The following SMYD3 variants were observed in gnomAD, a reference collection of about 807,000 sequenced individuals.
SMYD3 encodes the protein SET and MYND domain containing 3, also known as histone-lysine N-methyltransferase SMYD3.
In SMYD3, 36 loss-of-function variants were observed where a neutral mutation model predicts 57.7. That is an observed-to-expected ratio of 0.62 (90% CI 0.48 to 0.82). The LOEUF is 0.82. Ranked by LOEUF, SMYD3 falls within the 40% of genes least tolerant of loss-of-function variation. The probability of loss-of-function intolerance (pLI) is 0.00; values close to 1 mark genes in which losing one functional copy is unlikely to be tolerated. For missense variants in SMYD3, 515 were observed against 538.8 expected, an observed-to-expected ratio of 0.96 and a Z score of 0.44; for synonymous variants, 211 against 195.0, an observed-to-expected ratio of 1.08 and a Z score of -0.68.
intron 5 of SMYD3, among the ~76,000 whole-genome samples, chr1:245,946,040 A>T (rs1303876906): frequency 6.6e-6 from 1 of 152,200 alleles, no homozygotes; most frequent in East Asian, 1.9e-4. Flanking sequence ...TGATGGGGTG[A>T]TAGCTGCAGC....
At chr1:246,248,811 T>TTTA (rs2063753602) in intron 5 of SMYD3, among the ~76,000 whole-genome samples, 1 of 136,114 alleles carries the variant, frequency 7.3e-6, no homozygotes, top group African/African-American at 2.7e-5. Context: ...CCGGCTAATT[T>TTTA]TTTTTTTTTT....
chr1:246,231,531 G>A (rs2148448660), intron 5 of SMYD3, among the ~76,000 whole-genome samples: 1 of 152,210 alleles, frequency 6.6e-6, no homozygotes, highest in South Asian at 2.1e-4. Context: ...TCTGGTCATT[G>A]CTATAATGTA....
intron 10 of SMYD3, among the ~76,000 whole-genome samples, chr1:245,817,274 C>G (rs546104423): frequency 1.5e-4 from 21 of 143,450 alleles, no homozygotes; most frequent in South Asian, 2.3e-4. Context: ...GAGGCACCCC[C>G]CAGCAGGGGC....
chr1:246,061,115 C>A (rs547081685), intron 5 of SMYD3, among the ~76,000 whole-genome samples: 4 of 152,016 alleles, frequency 2.6e-5, no homozygotes, highest in African/African-American at 9.7e-5. Context: ...CCCAGCTACT[C>A]GGGAGGCTGA....
intron 8 of SMYD3, among the ~76,000 whole-genome samples, chr1:245,888,498 G>A (rs1438297639): frequency 6.6e-6 from 1 of 152,128 alleles, no homozygotes; most frequent in Non-Finnish European, 1.5e-5. Flanking sequence ...TATCAAAAGA[G>A]CACTGCCCCA....
intron 5 of SMYD3, among the ~76,000 whole-genome samples, chr1:246,181,437 C>A (rs139081898): frequency 1.0e-3 from 157 of 152,352 alleles, no homozygotes; most frequent in African/African-American, 3.7e-3. Context: ...CCACTCCCCA[C>A]AGCTGAGACT....
intron 10 of SMYD3, among the ~76,000 whole-genome samples, chr1:245,855,140 C>T (rs373250529): frequency 6.6e-6 from 1 of 152,140 alleles, no homozygotes; most frequent in Non-Finnish European, 1.5e-5. Flanking sequence ...ATGTTAATCT[C>T]GCAACAGAAA....
intron 5 of SMYD3, chr1:246,305,935 A>C (rs2064969751): frequency 6.6e-6 from 1 of 152,298 alleles, no homozygotes; most frequent in African/African-American, 2.4e-5. Flanking sequence ...GTTTAGAAAG[A>C]GCTATTGTTG....
chr1:246,407,449 C>T (rs546356935), intron 1 of SMYD3, among the ~76,000 whole-genome samples: 2 of 152,318 alleles, frequency 1.3e-5, no homozygotes, highest in East Asian at 1.9e-4. Context: ...GCGCCATGAC[C>T]GCTCTCCTAG....
chr1:246,058,882 C>CTTT (rs545692737), intron 5 of SMYD3, among the ~76,000 whole-genome samples: 2 of 142,990 alleles, frequency 1.4e-5, no homozygotes, highest in Admixed American at 6.9e-5. Context: ...ATCCACATTT[C>CTTT]TTTTTTTTTT....
rs572304940 is a variant in SMYD3 at position 246,421,163 on chromosome 1, G to A, written c.165-66069C>T. Among the ~76,000 whole-genome samples, 11 of 152,282 alleles carry A rather than the reference G, an allele frequency of 7.2e-5. 1 individual carries two copies. In the South Asian group the frequency reaches 2.3e-3, roughly 32 times the overall value. Reference sequence around the variant, plus strand: ...GTCTCATATTGATGAAACAACAGATGTTTAAGGAAGAAGCTTCTTTAATAT... The same window carrying A: ...GTCTCATATTGATGAAACAACAGATATTTAAGGAAGAAGCTTCTTTAATAT... On this transcript the variant is annotated intron_variant, in intron 1 of 11. Transcript: ENST00000490107.
intron 7 of SMYD3, among the ~76,000 whole-genome samples, chr1:245,926,470 TCTGAGTCTGAAGGGC>T (rs2056382364): frequency 6.6e-6 from 1 of 152,188 alleles, no homozygotes; most frequent in African/African-American, 2.4e-5. Flanking sequence ...GGGAAAAATA[TCTGAGTCTGAAGGGC>T]TTTACACTGA....
intron 10 of SMYD3, among the ~76,000 whole-genome samples, chr1:245,824,644 T>C (rs1572444818): frequency 6.6e-6 from 1 of 151,918 alleles, no homozygotes; most frequent in South Asian, 2.1e-4. Flanking sequence ...TCACCTGAGG[T>C]TGGGAGTTGG....
At position 246,180,488 on chromosome 1, in the gene SMYD3, T is replaced by C. The variant is rs569828553; in HGVS notation, c.531+146713A>G. Among the ~76,000 whole-genome samples the C allele has an allele frequency of 9.8e-4, 148 of 150,508 alleles. 2 individuals are homozygous for C. Among genetic ancestry groups the C allele is most frequent in the Admixed American group, 9.1e-3 (138 of 15,124 alleles). ...CTCAGGAGGGTTAGGCCGGGTGTGGTGGTTCATGCCTGTAATCCCAGCACT... is the reference window on the plus strand; with the variant it reads ...CTCAGGAGGGTTAGGCCGGGTGTGGCGGTTCATGCCTGTAATCCCAGCACT... On this transcript the variant is annotated intron_variant, in intron 5 of 11. Coordinates refer to ENST00000490107, the MANE Select transcript of SMYD3 (RefSeq NM_001167740.2).
intron 11 of SMYD3, among the ~76,000 whole-genome samples, chr1:245,751,024 G>A (rs1327780748): frequency 6.6e-6 from 1 of 152,164 alleles, no homozygotes; most frequent in Non-Finnish European, 1.5e-5. Flanking sequence ...AACTGATAGA[G>A]CAAACTCTCA....
At chr1:246,279,995 T>C (rs574200879) in intron 5 of SMYD3, among the ~76,000 whole-genome samples, 2 of 152,314 alleles carry the variant, frequency 1.3e-5, no homozygotes, top group East Asian at 1.9e-4. Flanking sequence ...ATTCTGAGTT[T>C]AGCACACACG....
At chr1:245,886,471 A>G (rs9730542) in intron 8 of SMYD3, among the ~76,000 whole-genome samples, 151,902 of 152,264 alleles carry the variant, frequency 1, 75,773 homozygotes, top group Middle Eastern at 1. Flanking sequence ...TCACACCCTC[A>G]CCTCAGCAAT....
At chr1:246,395,671 C>T (rs1230296599) in intron 1 of SMYD3, among the ~76,000 whole-genome samples, 65 of 82,100 alleles carry the variant, frequency 7.9e-4, no homozygotes, top group Non-Finnish European at 8.1e-4. Context: ...GAACCCACCA[C>T]AGTCAGACAG....
intron 8 of SMYD3, among the ~76,000 whole-genome samples, chr1:245,881,802 T>C (rs953828682): frequency 6.6e-6 from 1 of 152,168 alleles, no homozygotes; most frequent in African/African-American, 2.4e-5. Flanking sequence ...GAGGTAAGGT[T>C]GAAGCCACGA....
Sources: gnomAD v4.1 joint callset for allele counts (sites outside exome capture counted in the v4.1 genomes callset) on GRCh38, gnomAD v4.1.1 for gene constraint, MANE v1.5 for transcripts, NCBI Gene and HGNC (gene_info 2026-07-23, HGNC 2026-07-21) for gene names.